Variants in KIF4A observed in about 807,000 individuals in gnomAD.
KIF4A encodes chromosome-associated kinesin KIF4A.
Under a neutral mutation model 105.9 loss-of-function variants are expected in KIF4A, and 7 were observed. The ratio of observed to expected loss-of-function variants is 0.07; its 90% confidence interval spans 0.04 to 0.12. The LOEUF is 0.12. Ranked by LOEUF, KIF4A falls within the 10% of genes least tolerant of loss-of-function variation. The pLI is 1.00. For missense variants in KIF4A, 558 were observed against 929.2 expected (o/e 0.60, Z 5.19); for synonymous variants, 281 against 331.3 (o/e 0.85, Z 1.65).
intron 28 of KIF4A, among the ~76,000 whole-genome samples, chrX:70,416,345 C>CTTTTT (rs376059238): frequency 2.7e-4 from 17 of 62,769 alleles, no homozygotes; most frequent in Non-Finnish European, 3.4e-4. Context: ...TCTGCACAGT[C>CTTTTT]TTTTTTTTTT....
At chrX:70,310,311 TTGTGTGTG>T (rs1555945529) in intron 7 of KIF4A, among the ~76,000 whole-genome samples, 108 of 86,296 alleles carry the variant, frequency 1.3e-3, no homozygotes, top group African/African-American at 4.9e-3. Context: ...CTCAAAATGG[TTGTGTGTG>T]TGTGTGTGTG....
Position 70,301,915 on chromosome X carries a change from G to A in KIF4A, c.532G>A (p.Glu178Lys), listed in dbSNP as rs1279554493. The change falls in exon 6 of 31, where the codon GAG becomes AAG. Residue 178 changes from glutamate (E) to lysine (K), a missense_variant. This residue lies in a region of KIF4A where 89 missense variants were observed against 248.8 expected (regional missense o/e 0.36). Transcript: ENST00000374403. Reference sequence around the variant, plus strand: ...TTGCAATTAGATTGTGGGACTCACTGAGAAGACTGTTTTGGTTGCCTTGGA... The same window carrying A: ...TTGCAATTAGATTGTGGGACTCACTAAGAAGACTGTTTTGGTTGCCTTGGA... ...KEGIKIVGLT[E>K]KTVLVALDTV... 3.3e-6 allele frequency: 4 copies of A among 1,208,872 alleles called. No homozygotes were observed. The highest frequency in any genetic ancestry group is 4.5e-6 in the Non-Finnish European group (4 of 894,580).
intron 18 of KIF4A, among the ~76,000 whole-genome samples, chrX:70,378,114 T>C: frequency 8.9e-6 from 1 of 112,048 alleles, no homozygotes; most frequent in Non-Finnish European, 1.9e-5. Flanking sequence ...TTGAGATTAA[T>C]AAAAACAAAG....
In KIF4A at chrX:70,374,254, A is replaced by C; in HGVS notation, c.1778A>C (p.Lys593Thr). Residue 593 changes from lysine to threonine, a missense_variant and splice_region_variant, in exon 16 of 31, where the codon AAG becomes ACG. Coordinates refer to ENST00000374403, the MANE Select transcript of KIF4A (RefSeq NM_012310.5). Reference protein sequence around the residue: ...QTAKKDANQAKLSERRRKRLQ... With the variant: ...QTAKKDANQATLSERRRKRLQ... ...GCAAAGAAGGATGCCAACCAAGCCA[A>C]GTAAGAATAAAGTTAATAAATGTTA... 1 of 1,140,543 alleles carries C rather than the reference A, an allele frequency of 8.8e-7. No homozygotes were observed. The allele number at this position is 1,140,543 out of a possible 1,213,427, so 94.0% of individuals were successfully genotyped here. A position where few individuals can be genotyped will look rare whatever the true frequency, so the allele number is the denominator to read the frequency against.
chrX:70,411,663 G>A (rs1401374870), intron 28 of KIF4A, among the ~76,000 whole-genome samples: 1 of 110,751 alleles, frequency 9.0e-6, no homozygotes, highest in East Asian at 2.8e-4. Context: ...GGTAGGACAT[G>A]GACTTTTTGA....
At chrX:70,295,842 G>A (rs2085780331) in intron 3 of KIF4A, among the ~76,000 whole-genome samples, 1 of 107,349 alleles carries the variant, frequency 9.3e-6, no homozygotes, top group Non-Finnish European at 1.9e-5. Flanking sequence ...GCTTGAACCC[G>A]GGAGGTGGAG....
intron 22 of KIF4A, 109 bp from the exon 23 acceptor site, chrX:70,402,457 T>C: frequency 1.1e-6 from 1 of 917,860 alleles, no homozygotes; most frequent in Non-Finnish European, 1.5e-6. Flanking sequence ...AAATGATATT[T>C]AACTGATAGC....
intron 7 of KIF4A, among the ~76,000 whole-genome samples, chrX:70,323,091 C>T (rs1436953694): frequency 9.0e-6 from 1 of 110,626 alleles, no homozygotes; most frequent in Non-Finnish European, 1.9e-5. Flanking sequence ...GAGTGTGCCT[C>T]GTACTCTCTC....
Position 70,400,755 on chromosome X carries a change from A to T in KIF4A, c.2490-1811A>T, listed in dbSNP as rs375054502. ...TTTCAGAAAATATGTAATGTATAAT[A>T]GGTTTATGTTTTTTTTTTGTTTTTG... is the stretch of plus-strand genomic sequence containing the variant. On this transcript the variant is annotated intron_variant, in intron 22 of 30. Transcript: ENST00000374403. Among the ~76,000 whole-genome samples, 5 of 111,162 alleles carry T rather than the reference A, an allele frequency of 4.5e-5. No homozygotes were observed. In the East Asian group the frequency reaches 1.1e-3, roughly 25 times the overall value.
chrX:70,319,299 T>A (rs1011285524), intron 7 of KIF4A, among the ~76,000 whole-genome samples: 1 of 111,695 alleles, frequency 9.0e-6, no homozygotes, highest in Non-Finnish European at 1.9e-5. Flanking sequence ...CTTTAGTACC[T>A]CAAGATCTTA....
chrX:70,294,194 G>A (rs2085771930), intron 3 of KIF4A, among the ~76,000 whole-genome samples: 1 of 111,160 alleles, frequency 9.0e-6, no homozygotes. Flanking sequence ...GCCCACCCAG[G>A]GCCAGGATCT....
intron 29 of KIF4A, among the ~76,000 whole-genome samples, chrX:70,418,516 A>T (rs1158756881): frequency 9.0e-6 from 1 of 111,487 alleles, no homozygotes; most frequent in Non-Finnish European, 1.9e-5. Flanking sequence ...GGCCTTTCTA[A>T]TAGTCACTGT....
chrX:70,405,965 G>A (rs751239961), intron 26 of KIF4A, 60 bp downstream of exon 26: 126 of 949,526 alleles, frequency 1.3e-4, no homozygotes, highest in Non-Finnish European at 1.9e-4. Flanking sequence ...ACTGAGGCCA[G>A]CTCTTGGGAC....
chrX:70,387,800 G>A (rs781772316), intron 20 of KIF4A, among the ~76,000 whole-genome samples: 1 of 111,548 alleles, frequency 9.0e-6, no homozygotes, highest in East Asian at 2.8e-4. Flanking sequence ...CCTGGGAGGT[G>A]GACGTTGCAG....
intron 7 of KIF4A, among the ~76,000 whole-genome samples, chrX:70,307,122 G>A (rs1239188588): frequency 9.0e-6 from 1 of 110,598 alleles, no homozygotes; most frequent in East Asian, 2.8e-4. Context: ...ACTGTGCTTG[G>A]AGTATCTTTC....
chrX:70,362,315 G>C lies in KIF4A; in HGVS notation c.1674+8508G>C. 3 of 330,013 alleles carry C rather than the reference G, an allele frequency of 9.1e-6. 1 individual carries two copies. The South Asian group carries it at 9.8e-5, about 11-fold the overall frequency. The allele number at this position is 330,013 out of a possible 1,213,427, so 27.2% of individuals were successfully genotyped here. A position where few individuals can be genotyped will look rare whatever the true frequency, so the allele number is the denominator to read the frequency against. ...GGAAACTCAGCTCTTTCTCCGTGGG[G>C]GTGCTGCGGATGTAGAGAGGGTAAT... is the stretch of plus-strand genomic sequence containing the variant. On this transcript the variant is annotated intron_variant, in intron 15 of 30. Coordinates refer to ENST00000374403, the MANE Select transcript of KIF4A (RefSeq NM_012310.5).
At chrX:70,386,964 A>G (rs184735354) in intron 19 of KIF4A, among the ~76,000 whole-genome samples, 129 of 111,654 alleles carry the variant, frequency 1.2e-3, no homozygotes, top group African/African-American at 4.0e-3. Context: ...GATATGTGAC[A>G]TTTCTAGACA....
intron 18 of KIF4A, among the ~76,000 whole-genome samples, chrX:70,379,404 A>G (rs887643743): frequency 2.7e-5 from 3 of 111,797 alleles, no homozygotes; most frequent in African/African-American, 9.7e-5. Flanking sequence ...CCATGACAAG[A>G]AGTTAAATTA....
chrX:70,379,280 A>G, intron 18 of KIF4A, among the ~76,000 whole-genome samples: 1 of 112,336 alleles, frequency 8.9e-6, no homozygotes, highest in Non-Finnish European at 1.9e-5. Flanking sequence ...ATAAGGAATT[A>G]CTATTAACAA....
Sources: gnomAD v4.1 joint callset for allele counts (sites outside exome capture counted in the v4.1 genomes callset) on GRCh38, gnomAD v4.1.1 for gene constraint, gnomAD v4.1.1 regional missense constraint, MANE v1.5 for transcripts, NCBI Gene and HGNC (gene_info 2026-07-23, HGNC 2026-07-21) for gene names.